Variants in MBD5 observed in about 807,000 individuals in gnomAD.
MBD5 encodes methyl-CpG binding domain protein 5, also known as methyl-CpG-binding domain protein 5.
A neutral mutation model predicts 117.3 loss-of-function variants in MBD5; 13 were observed. The ratio of observed to expected loss-of-function variants is 0.11; its 90% confidence interval spans 0.07 to 0.18. The LOEUF is 0.18. Among genes scored for constraint, MBD5 ranks in the 10% least tolerant of loss-of-function variants. MBD5 has a pLI of 1.00. For missense variants in MBD5, 1,879 were observed against 2,093.8 expected (o/e 0.90, Z 2.00); for synonymous variants, 727 against 766.4 (o/e 0.95, Z 0.85).
intron 2 of MBD5, among the ~76,000 whole-genome samples, chr2:148,218,710 A>G (rs1256195071): frequency 6.6e-6 from 1 of 152,248 alleles, no homozygotes. Context: ...ATTGTACTGA[A>G]TACTGTAGAG....
At chr2:148,239,950 T>G (rs1700177598) in intron 3 of MBD5, among the ~76,000 whole-genome samples, 2 of 152,300 alleles carry the variant, frequency 1.3e-5, no homozygotes, top group South Asian at 4.1e-4. Flanking sequence ...CATGCTGCTA[T>G]AAAGACACAT....
chr2:148,151,441 A>G (rs1697663628), intron 1 of MBD5, among the ~76,000 whole-genome samples: 1 of 152,234 alleles, frequency 6.6e-6, no homozygotes, highest in African/African-American at 2.4e-5. Context: ...TGGTATCAGA[A>G]TGATGCTGGC....
intron 2 of MBD5, among the ~76,000 whole-genome samples, chr2:148,187,263 TG>T (rs1323032594): frequency 2.6e-5 from 4 of 151,724 alleles, no homozygotes; most frequent in Non-Finnish European, 4.4e-5. Context: ...AAGTAAAAAC[TG>T]AATTAGAGAG....
At position 148,230,199 on chromosome 2, in the gene MBD5, T is replaced by A. The variant is rs373608998; in HGVS notation, c.-830-3046T>A. Among the ~76,000 whole-genome samples the A allele has an allele frequency of 1.5e-4, 22 of 151,632 alleles. No homozygotes were observed. The East Asian group carries it at 3.9e-3, about 27-fold the overall frequency. Reference sequence around the variant, plus strand: ...GCCATGCAGGAGCCAGGGACTAGAGTAAAAAAATCTCAGAAGTCTACCTGG... The same window carrying A: ...GCCATGCAGGAGCCAGGGACTAGAGAAAAAAAATCTCAGAAGTCTACCTGG... On this transcript the variant is annotated intron_variant, in intron 2 of 13. Transcript: ENST00000642680.
At chr2:148,421,188 T>C (rs1265057940) in intron 4 of MBD5, among the ~76,000 whole-genome samples, 1 of 152,158 alleles carries the variant, frequency 6.6e-6, no homozygotes, top group African/African-American at 2.4e-5. Flanking sequence ...GATTGACGCA[T>C]AAGGCACGTG....
At chr2:148,280,043 C>T (rs1701204607) in intron 3 of MBD5, among the ~76,000 whole-genome samples, 1 of 144,766 alleles carries the variant, frequency 6.9e-6, no homozygotes, top group Non-Finnish European at 1.5e-5. Context: ...ACTGATATTT[C>T]TCTTGGTTGC....
chr2:148,252,751 T>G (rs1323864649), intron 3 of MBD5, among the ~76,000 whole-genome samples: 1 of 152,142 alleles, frequency 6.6e-6, no homozygotes, highest in Non-Finnish European at 1.5e-5. Context: ...GGTCTCACCA[T>G]GTTAGCCAGG....
At chr2:148,243,403 A>G (rs1221774283) in intron 3 of MBD5, among the ~76,000 whole-genome samples, 3 of 152,116 alleles carry the variant, frequency 2.0e-5, no homozygotes, top group Non-Finnish European at 4.4e-5. Context: ...ATTGTAGGGA[A>G]AAGCTGTATT....
chr2:148,285,716 C>G (rs975473556), intron 3 of MBD5, among the ~76,000 whole-genome samples: 5 of 152,100 alleles, frequency 3.3e-5, no homozygotes, highest in Non-Finnish European at 7.4e-5. Context: ...GGCATATACT[C>G]TAATTCACCG....
At chr2:148,272,918 A>G (rs982789557) in intron 3 of MBD5, among the ~76,000 whole-genome samples, 1 of 152,226 alleles carries the variant, frequency 6.6e-6, no homozygotes, top group Non-Finnish European at 1.5e-5. Flanking sequence ...AGGTGCAAGT[A>G]TTATAAGCAA....
intron 1 of MBD5, among the ~76,000 whole-genome samples, chr2:148,036,397 A>G (rs999431031): frequency 6.6e-6 from 1 of 152,184 alleles, no homozygotes; most frequent in Non-Finnish European, 1.5e-5. Context: ...GGCAAAGTAA[A>G]TGTAAAGATA....
chr2:148,246,699 G>C (rs1326467156), intron 3 of MBD5, among the ~76,000 whole-genome samples: 1 of 141,468 alleles, frequency 7.1e-6, no homozygotes, highest in African/African-American at 2.6e-5. Context: ...AGGGAGCACA[G>C]GTTGCAGTGA....
intron 4 of MBD5, among the ~76,000 whole-genome samples, chr2:148,441,910 A>C (rs1706337395): frequency 1.3e-5 from 2 of 152,134 alleles, no homozygotes; most frequent in African/African-American, 2.4e-5. Flanking sequence ...TCTTCTTTTG[A>C]GAAGTGTCTG....
chr2:148,208,034 G>T (rs566817076), intron 2 of MBD5, among the ~76,000 whole-genome samples: 30 of 152,180 alleles, frequency 2.0e-4, no homozygotes, highest in Non-Finnish European at 4.0e-4. Flanking sequence ...AAATCCAGTG[G>T]GTCCAGTGTG....
At chr2:148,459,494 G>A (rs1286145942) in intron 5 of MBD5, among the ~76,000 whole-genome samples, 1 of 147,718 alleles carries the variant, frequency 6.8e-6, no homozygotes, top group African/African-American at 2.7e-5. Context: ...AAACTGTTAA[G>A]AAGAAGTTTT....
At chr2:148,341,452 A>G (rs570072478) in intron 3 of MBD5, among the ~76,000 whole-genome samples, 2 of 151,982 alleles carry the variant, frequency 1.3e-5, no homozygotes, top group Non-Finnish European at 2.9e-5. Context: ...TAATACTAAC[A>G]CCTATATCAT....
rs1016254028 is a variant in MBD5 at position 148,415,952 on chromosome 2, C to G, written c.-556-42251C>G. 7.3e-4 allele frequency among the ~76,000 whole-genome samples: 111 copies of G among 152,098 alleles called. 1 individual carries two copies. Among genetic ancestry groups the G allele is most frequent in the Non-Finnish European group, 1.8e-4 (12 of 68,018 alleles). ...TTTGTTCTGAGTCATATTCTGAGCT[C>G]TATTTCTGTCATTTCAGCCATTCAA... On this transcript the variant is annotated intron_variant, in intron 4 of 13. Coordinates refer to ENST00000642680, the MANE Select transcript of MBD5 (RefSeq NM_001378120.1).
At chr2:148,170,099 G>A (rs530979154) in intron 1 of MBD5, among the ~76,000 whole-genome samples, 2 of 152,120 alleles carry the variant, frequency 1.3e-5, no homozygotes, top group African/African-American at 4.8e-5. Flanking sequence ...GGGTTTCACC[G>A]TTTTAGCCAG....
At chr2:148,350,653 T>G (rs2105228464) in intron 4 of MBD5, among the ~76,000 whole-genome samples, 1 of 152,140 alleles carries the variant, frequency 6.6e-6, no homozygotes, top group Non-Finnish European at 1.5e-5. Flanking sequence ...GCTACAAATT[T>G]CCTTAATGAG....
Sources: gnomAD v4.1 joint callset for allele counts (sites outside exome capture counted in the v4.1 genomes callset) on GRCh38, gnomAD v4.1.1 for gene constraint, MANE v1.5 for transcripts, NCBI Gene and HGNC (gene_info 2026-07-23, HGNC 2026-07-21) for gene names.